Variants in ZNF800 observed in about 807,000 individuals in gnomAD.
The protein encoded by ZNF800 is zinc finger protein 800.
A neutral mutation model predicts 59.5 loss-of-function variants in ZNF800; 13 were observed. That is an observed-to-expected ratio of 0.22 (90% CI 0.14 to 0.35). ZNF800 has a LOEUF of 0.35. ZNF800 is among the 10% of genes least tolerant of loss of function. The pLI is 1.00. For synonymous variants in ZNF800, 266 were observed against 265.7 expected (o/e 1.00, Z -0.01); for missense variants, 621 against 783.7 (o/e 0.79, Z 2.48).
chr7:127,359,512 T>C (rs1344522834), intron 1 of ZNF800, among the ~76,000 whole-genome samples: 1 of 152,096 alleles, frequency 6.6e-6, no homozygotes, highest in Non-Finnish European at 1.5e-5. Context: ...ATAGAACTTA[T>C]TCAAAAACAA....
intron 1 of ZNF800, among the ~76,000 whole-genome samples, chr7:127,355,105 T>A (rs1173613342): frequency 6.6e-6 from 1 of 152,084 alleles, no homozygotes. Context: ...AAATTGAAAC[T>A]GAGATAGGAA....
downstream of ZNF800, among the ~76,000 whole-genome samples, chr7:127,365,943 C>T (rs1800497300): frequency 6.6e-6 from 1 of 152,136 alleles, no homozygotes; most frequent in African/African-American, 2.4e-5. Flanking sequence ...ATTTACTGAG[C>T]TCTTCCCTGA....
intron 1 of ZNF800, among the ~76,000 whole-genome samples, chr7:127,356,276 T>C (rs1800268830): frequency 6.6e-6 from 1 of 151,816 alleles, no homozygotes; most frequent in African/African-American, 2.4e-5. Context: ...TGTGTATGTG[T>C]GTGTGAGAGA....
intron 2 of ZNF800, among the ~76,000 whole-genome samples, chr7:127,390,935 TAA>T (rs1295413343): frequency 6.6e-6 from 1 of 152,168 alleles, no homozygotes. Context: ...TCTACCTAAA[TAA>T]AAAAAGAGAT....
At chr7:127,352,362 CAA>C (rs1800182904) in intron 1 of ZNF800, among the ~76,000 whole-genome samples, 1 of 151,820 alleles carries the variant, frequency 6.6e-6, no homozygotes, top group East Asian at 1.9e-4. Flanking sequence ...AAAAAAGTAT[CAA>C]AAGAGAAAGT....
rs766659403 is a variant in ZNF800, at chr7:127,374,233, T to C, written c.1103A>G (p.Tyr368Cys). The change falls in exon 5 of 6, where the codon TAT becomes TGT. Residue 368 changes from tyrosine (Y) to cysteine (C), a missense_variant. Physicochemically the swap from Tyr to Cys is radical, Grantham distance 194 (BLOSUM62 -2). This residue lies in a region of ZNF800 where 185 missense variants were observed against 177.6 expected (regional missense o/e 1.04). Transcript: ENST00000265827. The part of the protein sequence containing the change: ...ACKCLLCKRK[Y>C]SSQIMLKRHM... The stretch of plus-strand genomic sequence containing the variant: ...TCTTTTAAGCATTATTTGTGAACTA[T>C]ATTTCCTCTTGCAAAGGAGGCATTT... 1.9e-6 allele frequency: 3 copies of C among 1,614,108 alleles called. No homozygotes were observed. Among genetic ancestry groups the C allele is most frequent in the Non-Finnish European group, 1.7e-6 (2 of 1,179,998 alleles).
In ZNF800 at chr7:127,377,053, C is replaced by T. The variant is rs1800806848; in HGVS notation, c.301+133G>A. The T allele has an allele frequency of 1.3e-6, 1 of 795,638 alleles. No individual in the cohort carries two copies. Among genetic ancestry groups the T allele is most frequent in the Admixed American group, 3.0e-5 (1 of 33,474 alleles). 49.3% of individuals were successfully genotyped at this position (795,638 alleles called of 1,614,324 possible). A position where few individuals can be genotyped will look rare whatever the true frequency, so the allele number is the denominator to read the frequency against. On this transcript the variant is annotated intron_variant, in intron 4 of 5. Coordinates refer to ENST00000265827, the MANE Select transcript of ZNF800 (RefSeq NM_176814.5). This position sits in a 1 kb window ranked among gnomAD's most constrained non-coding sequence, Gnocchi z 4.7. The stretch of plus-strand genomic sequence containing the variant: ...ATTTAATTTTATTCTCCATCTCCAT[C>T]TAAAAATTATCTGTAACTAGACATC...
chr7:127,381,502 A>G (rs1800976678), intron 3 of ZNF800, among the ~76,000 whole-genome samples: 1 of 152,258 alleles, frequency 6.6e-6, no homozygotes, highest in Admixed American at 6.5e-5. Context: ...GTAGAATACA[A>G]TTATCTTAGG....
Position 127,377,713 on chromosome 7 carries a change from TCCC to T in ZNF800, c.158-387_158-385del, listed in dbSNP as rs1298439354. Reference sequence around the variant, plus strand: ...GGAGTAGGACAGAAAAATTAAATGTTCCCCCATTATTCCCTGGCAAACTTTTTG... The same window carrying T: ...GGAGTAGGACAGAAAAATTAAATGTTCCATTATTCCCTGGCAAACTTTTTG... On this transcript the variant is annotated intron_variant, in intron 3 of 5. Transcript: ENST00000265827. This position sits in a 1 kb window ranked among gnomAD's most constrained non-coding sequence, Gnocchi z 4.7. Among the ~76,000 whole-genome samples, 1 of 152,006 alleles carries T rather than the reference TCCC, an allele frequency of 6.6e-6. No homozygotes were observed. The highest frequency in any genetic ancestry group is 1.5e-5 in the Non-Finnish European group (1 of 67,900).
rs1801318500 is a variant in ZNF800, at chr7:127,391,580, T to C, written c.-23A>G. ...CATTTTCAGTGGACTCGACCTACTT[T>C]GCTTTCACTGTAAGAAGCTCTTCAT... On this transcript the variant is annotated 5_prime_UTR_variant, in exon 2 of 6. Coordinates refer to ENST00000265827, the MANE Select transcript of ZNF800 (RefSeq NM_176814.5). The C allele has an allele frequency of 6.2e-7, 1 of 1,612,208 alleles. No individual in the cohort carries two copies. The highest frequency in any genetic ancestry group is 2.2e-5 in the East Asian group (1 of 44,872).
chr7:127,385,031 G>GA (rs1446037074), intron 3 of ZNF800, among the ~76,000 whole-genome samples: 1 of 152,160 alleles, frequency 6.6e-6, no homozygotes, highest in East Asian at 1.9e-4. Flanking sequence ...GAGAGTCAGA[G>GA]AAAAAATAAA....
intron 1 of ZNF800, among the ~76,000 whole-genome samples, chr7:127,348,707 C>T (rs1476278365): frequency 6.6e-6 from 1 of 152,188 alleles, no homozygotes; most frequent in African/African-American, 2.4e-5. Context: ...CAGTTATCTC[C>T]AGGTGATAAA....
intron 1 of ZNF800, among the ~76,000 whole-genome samples, chr7:127,357,258 A>C (rs927566988): frequency 2.6e-5 from 4 of 152,068 alleles, no homozygotes; most frequent in African/African-American, 9.7e-5. Context: ...GAGGTGGAAA[A>C]GGGAAAAACC....
At chr7:127,373,128 AT>A (rs1352912672) in intron 5 of ZNF800, 2 of 985,350 alleles carry the variant, frequency 2.0e-6, no homozygotes, top group African/African-American at 1.7e-5. Flanking sequence ...CCTGTGGAAG[AT>A]AAGTTCTGAA....
chr7:127,349,885 TAC>T (rs1800138724), intron 1 of ZNF800: 2 of 152,232 alleles, frequency 1.3e-5, no homozygotes, highest in Non-Finnish European at 2.9e-5. Flanking sequence ...TCACTATTCA[TAC>T]AGTGATTTCA....
chr7:127,386,212 A>G, intron 2 of ZNF800, 57 bp from the exon 3 acceptor site: 3 of 1,060,808 alleles, frequency 2.8e-6, no homozygotes, highest in Middle Eastern at 2.0e-4. Context: ...TATTTAAATC[A>G]TTTACTATTA....
intron 3 of ZNF800, among the ~76,000 whole-genome samples, chr7:127,382,702 T>A (rs1801011608): frequency 6.6e-6 from 1 of 151,796 alleles, no homozygotes; most frequent in Admixed American, 6.6e-5. Context: ...TATGGACTGA[T>A]GTCAACAATA....
At chr7:127,350,752 G>GT (rs1176122568) in intron 1 of ZNF800, among the ~76,000 whole-genome samples, 1 of 152,130 alleles carries the variant, frequency 6.6e-6, no homozygotes, top group African/African-American at 2.4e-5. Flanking sequence ...TGGAAAGGTG[G>GT]TAACAGCTGC....
chr7:127,356,269 G>GT (rs1338582059), intron 1 of ZNF800, among the ~76,000 whole-genome samples: 13 of 124,752 alleles, frequency 1.0e-4, no homozygotes, highest in Non-Finnish European at 2.2e-4. Context: ...GTGTGTGTGT[G>GT]TATGTGTGTG....
Sources: allele counts gnomAD v4.1 joint callset (sites outside exome capture counted in the v4.1 genomes callset), GRCh38; gene constraint gnomAD v4.1.1; regional missense constraint gnomAD v4.1.1; non-coding constraint Gnocchi (gnomAD v3.1); transcripts MANE v1.5; gene names NCBI Gene and HGNC (gene_info 2026-07-23, HGNC 2026-07-21).